SASH1: variants seen among roughly 807,000 people sequenced by gnomAD.
SASH1 encodes the protein SAM and SH3 domain-containing protein 1.
In SASH1, 44 loss-of-function variants were observed where a neutral mutation model predicts 125.2. The observed-to-expected ratio is 0.35, with a 90% CI of 0.28 to 0.45. The LOEUF is 0.45. SASH1 is among the 20% of genes least tolerant of loss of function. The pLI, the probability that SASH1 is intolerant of heterozygous loss-of-function variation, is 1.00. For synonymous variants in SASH1, 639 were observed against 649.1 expected (o/e 0.98, Z 0.24); for missense variants, 1,426 against 1,614.5 (o/e 0.88, Z 2.00).
chr6:148,237,195 T>A, the SASH1 span, among the ~76,000 whole-genome samples: 1 of 152,142 alleles, frequency 6.6e-6, no homozygotes, highest in Non-Finnish European at 1.5e-5. Context: ...TTTTTTTTTT[T>A]AGCACAGTTC....
At chr6:148,413,549 G>T (rs1325359178) in intron 2 of SASH1, among the ~76,000 whole-genome samples, 1 of 152,162 alleles carries the variant, frequency 6.6e-6, no homozygotes, top group African/African-American at 2.4e-5. Flanking sequence ...CATTCTTGTG[G>T]AATGCGGGCT....
the SASH1 span, among the ~76,000 whole-genome samples, chr6:148,247,041 G>C: frequency 4.6e-5 from 7 of 152,188 alleles, no homozygotes; most frequent in African/African-American, 1.7e-4. Flanking sequence ...AAGGGCGATG[G>C]AATGGACTGT....
chr6:148,512,565 A>C, intron 8 of SASH1: 1 of 985,332 alleles, frequency 1.0e-6, no homozygotes, highest in Non-Finnish European at 1.2e-6. Context: ...AATCCAACCA[A>C]GTAGAAATGA....
the SASH1 span, among the ~76,000 whole-genome samples, chr6:148,230,052 G>A: frequency 1.3e-5 from 2 of 152,182 alleles, no homozygotes; most frequent in South Asian, 4.2e-4. Flanking sequence ...GTAACCATCA[G>A]TAGTCATTTC....
In SASH1 at chr6:148,440,347, TTC is replaced by T. The variant is rs756340686; in HGVS notation, c.337-6_337-5del. On this transcript the variant is annotated splice_polypyrimidine_tract_variant and intron_variant, in intron 3 of 19. Transcript: ENST00000367467. ...TCTGACCACACTGACTATACGAATC[TTC>T]TCTCGTAGGAGTCGCTTGGCTTCTG... The T allele has an allele frequency of 3.0e-5, 48 of 1,613,730 alleles. No homozygotes were observed. In the East Asian group the frequency reaches 1.1e-3, roughly 36 times the overall value.
rs149211237 is a variant in SASH1 at position 148,398,244 on chromosome 6, G to A, written c.285+7982G>A. 7.2e-5 allele frequency among the ~76,000 whole-genome samples: 11 copies of A among 152,316 alleles called. No homozygotes were observed. The East Asian group carries it at 2.1e-3, about 29-fold the overall frequency. ...ATTCCGATTCATTCCTATTCACAGG[G>A]CGAAACAGAATAAATTGCCATTTTG... On this transcript the variant is annotated intron_variant, in intron 2 of 19. Coordinates refer to ENST00000367467, the MANE Select transcript of SASH1 (RefSeq NM_015278.5).
intron 1 of SASH1, among the ~76,000 whole-genome samples, chr6:148,371,068 C>T (rs932130811): frequency 2.6e-5 from 4 of 152,142 alleles, no homozygotes; most frequent in Non-Finnish European, 5.9e-5. Flanking sequence ...GAATACCAGC[C>T]TCACAGAAGT....
chr6:148,344,321 G>T lies in SASH1; in HGVS notation c.156+1098G>T, dbSNP rs79418040. ...CTGAGATTTAGCTGGGTTGATGTGTGTATCAAGTACTCAGCAGACTGTATA... is the reference window on the plus strand; with the variant it reads ...CTGAGATTTAGCTGGGTTGATGTGTTTATCAAGTACTCAGCAGACTGTATA... On this transcript the variant is annotated intron_variant, in intron 1 of 19. Transcript: ENST00000367467. Among the ~76,000 whole-genome samples the T allele has an allele frequency of 7.5e-3, 1,136 of 152,312 alleles. 13 individuals carry two copies. The highest frequency in any genetic ancestry group is 0.025 in the African/African-American group (1,049 of 41,572).
At chr6:148,220,580 G>T in the SASH1 span, among the ~76,000 whole-genome samples, 1 of 152,108 alleles carries the variant, frequency 6.6e-6, no homozygotes, top group Non-Finnish European at 1.5e-5. Flanking sequence ...ATGATTGGAT[G>T]GGGAAAACAA....
intron 2 of SASH1, among the ~76,000 whole-genome samples, chr6:148,396,941 C>T (rs1005933924): frequency 8.5e-5 from 13 of 152,156 alleles, no homozygotes; most frequent in Non-Finnish European, 1.8e-4. Context: ...CCGTTCCTTT[C>T]TGTTCTGAGT....
intron 1 of SASH1, among the ~76,000 whole-genome samples, chr6:148,273,946 G>GCC: frequency 6.6e-6 from 1 of 152,346 alleles, no homozygotes. Flanking sequence ...TAGAAGAAAT[G>GCC]TCAGTTTGGG....
intron 1 of SASH1, among the ~76,000 whole-genome samples, chr6:148,315,702 G>A (rs1287073456): frequency 1.3e-5 from 2 of 152,110 alleles, no homozygotes; most frequent in Admixed American, 6.5e-5. Flanking sequence ...CCAGGAATTC[G>A]AGACCTGCCT....
chr6:148,287,734 C>A (rs944839813), intron 1 of SASH1, among the ~76,000 whole-genome samples: 2 of 152,014 alleles, frequency 1.3e-5, no homozygotes, highest in African/African-American at 4.8e-5. Flanking sequence ...GTTTGCAACA[C>A]CTCCCAGTTG....
chr6:148,323,595 T>A (rs6940190), intron 1 of SASH1, among the ~76,000 whole-genome samples: 36,356 of 152,026 alleles, frequency 0.24, 4,507 homozygotes, highest in East Asian at 0.34. Context: ...TTGCAATTAA[T>A]CATGAGAGAT....
In SASH1 at chr6:148,548,840, G is replaced by A. The variant is rs1435883040; in HGVS notation, c.*282G>A. The A allele has an allele frequency of 5.9e-6, 2 of 337,640 alleles. No homozygotes were observed. Among genetic ancestry groups the A allele is most frequent in the Non-Finnish European group, 1.1e-5 (2 of 185,738 alleles). 20.9% of individuals were successfully genotyped at this position (337,640 alleles called of 1,614,324 possible). On this transcript the variant is annotated 3_prime_UTR_variant, in exon 20 of 20. Transcript: ENST00000367467. ...AAAAGAACCAAGATGCCAACTGGCTGCGAATGCTCTATCTCCAGTCTGTCT... is the reference window on the plus strand; with the variant it reads ...AAAAGAACCAAGATGCCAACTGGCTACGAATGCTCTATCTCCAGTCTGTCT...
At chr6:148,525,629 C>T (rs1299118984) in intron 11 of SASH1, among the ~76,000 whole-genome samples, 1 of 152,216 alleles carries the variant, frequency 6.6e-6, no homozygotes, top group Non-Finnish European at 1.5e-5. Flanking sequence ...CTTCAAGTAA[C>T]AAATCCAGAT....
intron 1 of SASH1, among the ~76,000 whole-genome samples, chr6:148,292,100 TA>T (rs1779650045): frequency 6.6e-6 from 1 of 152,174 alleles, no homozygotes; most frequent in South Asian, 2.1e-4. Context: ...CAAATGTACT[TA>T]ATGAAGTGTT....
At chr6:148,346,318 A>G (rs960702404) in intron 1 of SASH1, among the ~76,000 whole-genome samples, 21 of 152,222 alleles carry the variant, frequency 1.4e-4, no homozygotes, top group African/African-American at 5.1e-4. Context: ...CAGTCCATGC[A>G]CAGTTAAGCA....
At chr6:148,472,855 G>A (rs563088307) in intron 6 of SASH1, among the ~76,000 whole-genome samples, 3 of 152,288 alleles carry the variant, frequency 2.0e-5, no homozygotes, top group East Asian at 3.9e-4. Flanking sequence ...AGCCACAGCC[G>A]GGGGCATCCT....
Sources: gnomAD v4.1 joint callset for allele counts (sites outside exome capture counted in the v4.1 genomes callset) on GRCh38, gnomAD v4.1.1 for gene constraint, MANE v1.5 for transcripts, NCBI Gene and HGNC (gene_info 2026-07-23, HGNC 2026-07-21) for gene names.